Variants in GSDMD observed in about 807,000 individuals in gnomAD.
GSDMD encodes the protein gasdermin D.
GSDMD carries 46 observed loss-of-function variants against 46.7 expected under a neutral mutation model. The ratio of observed to expected loss-of-function variants is 0.99; its 90% CI spans 0.78 to 1.26. The LOEUF (loss-of-function observed/expected upper bound fraction) is 1.26. GSDMD is among the 50% of genes most tolerant of loss of function. The probability of loss-of-function intolerance (pLI) is 0.00; values close to 1 mark genes in which losing one functional copy is unlikely to be tolerated. For missense variants in GSDMD, 649 were observed against 638.8 expected, an observed-to-expected ratio of 1.02 and a Z score of -0.17; for synonymous variants, 307 against 283.1, an observed-to-expected ratio of 1.08 and a Z score of -0.85.
upstream of GSDMD, among the ~76,000 whole-genome samples, chr8:143,554,596 C>T (rs567095064): frequency 3.3e-5 from 5 of 150,446 alleles, no homozygotes; most frequent in East Asian, 6.0e-4. Context: ...TGCATACACG[C>T]GCACAACGCG....
chr8:143,561,738 C>A lies in GSDMD; in HGVS notation c.737-4C>A. On this transcript the variant is annotated splice_region_variant and splice_polypyrimidine_tract_variant and intron_variant, in intron 6 of 10. Transcript: ENST00000262580. ...CAGCCCTGCCCTCCCATGCCCCTGC[C>A]CAGGCCACAAGCGTTCCACGAGCGA... The A allele has an allele frequency of 6.2e-7, 1 of 1,604,122 alleles. No homozygotes were observed. Among genetic ancestry groups the A allele is most frequent in the East Asian group, 2.3e-5 (1 of 44,308 alleles).
chr8:143,560,602 G>C lies in GSDMD; in HGVS notation c.411-1G>C, dbSNP rs893203648. 2.5e-6 allele frequency: 4 copies of C among 1,578,146 alleles called. No homozygotes were observed. The highest frequency in any genetic ancestry group is 2.6e-6 in the Non-Finnish European group (3 of 1,162,096). On this transcript the variant is annotated splice_acceptor_variant, in intron 3 of 10. Transcript: ENST00000262580. LOFTEE classifies it high-confidence loss of function. ...CGAGCTTTGCTGCTCCTCGGACACAGGCACCTGCGGCAGCCAGAACACAAA... is the reference window on the plus strand; with the variant it reads ...CGAGCTTTGCTGCTCCTCGGACACACGCACCTGCGGCAGCCAGAACACAAA...
Position 143,558,739 on chromosome 8 carries a change from T to C in GSDMD, c.-5+288T>C, listed in dbSNP as rs568356714. 2.0e-5 allele frequency: 12 copies of C among 594,454 alleles called. No homozygotes were observed. In the East Asian group the frequency reaches 3.4e-4, roughly 17 times the overall value. 36.8% of individuals were successfully genotyped at this position (594,454 alleles called of 1,614,324 possible). On this transcript the variant is annotated intron_variant, in intron 1 of 10. Coordinates refer to ENST00000262580, the MANE Select transcript of GSDMD (RefSeq NM_024736.7). ...TGCCTTCTGGGCCCAGCCTCCACTT[T>C]CAGCAGACCCAGCACTCAGAGGCTT...
In GSDMD at chr8:143,559,860, C is replaced by T. The variant is rs1823406430; in HGVS notation, c.301C>T (p.Gln101Ter). The change falls in exon 3 of 11, where the codon CAG (glutamine) becomes TAG (stop). Residue 101 changes from glutamine to a stop codon, truncating the protein, a stop_gained. Coordinates refer to ENST00000262580, the MANE Select transcript of GSDMD (RefSeq NM_024736.7). LOFTEE classifies it high-confidence loss of function. ...CAGCGTGGAGCTGGCAGCCCCAGGACAGGCAAAGATCGCAGGCGGGGCCGC... is the reference window on the plus strand; with the variant it reads ...CAGCGTGGAGCTGGCAGCCCCAGGATAGGCAAAGATCGCAGGCGGGGCCGC... ...QGSVELAAPG[Q>*]AKIAGGAAVS... The T allele has an allele frequency of 6.2e-7, 1 of 1,612,794 alleles. No individual in the cohort carries two copies. Among genetic ancestry groups the T allele is most frequent in the Non-Finnish European group, 8.5e-7 (1 of 1,179,964 alleles).
chr8:143,554,391 C>T (rs946780594), upstream of GSDMD, among the ~76,000 whole-genome samples: 9 of 151,720 alleles, frequency 5.9e-5, no homozygotes, highest in Admixed American at 1.3e-4. Flanking sequence ...CACAGACACG[C>T]GCACAAACGC....
chr8:143,562,306 C>G lies in GSDMD; in HGVS notation c.1094C>G (p.Pro365Arg), dbSNP rs747932108. The G allele has an allele frequency of 1.8e-5, 27 of 1,530,726 alleles. No homozygotes were observed. The South Asian group carries it at 3.0e-4, about 17-fold the overall frequency. The allele number at this position is 1,530,726 out of a possible 1,614,324, so 94.8% of individuals were successfully genotyped here. The change falls in exon 9 of 11, where the codon CCG becomes CGG. Residue 365 changes from proline to arginine, a missense_variant. Transcript: ENST00000262580. ...CLVLSSGMLV[P>R]ELAIPVVYLL... The stretch of plus-strand genomic sequence containing the variant: ...GTGTTGTCCTCCGGAATGCTGGTGC[C>G]GGAACTCGCTATCCCTGTTGTCTAC...
In GSDMD at chr8:143,559,526, T is replaced by A. The variant is rs765673987; in HGVS notation, c.191T>A (p.Ile64Asn). Reference sequence around the variant, plus strand: ...TGTGTCAACCTGTCTATCAAGGACATCCTGGAGCCGGATGCCGCGGAACCA... The same window carrying A: ...TGTGTCAACCTGTCTATCAAGGACAACCTGGAGCCGGATGCCGCGGAACCA... ...YKCVNLSIKD[I>N]LEPDAAEPDV... The change falls in exon 2 of 11, where the codon ATC becomes AAC. Residue 64 changes from isoleucine (I) to asparagine (N), a missense_variant. Ile to Asn is a moderately radical substitution (Grantham distance 149). Coordinates refer to ENST00000262580, the MANE Select transcript of GSDMD (RefSeq NM_024736.7). 6.2e-7 allele frequency: 1 copy of A among 1,612,782 alleles called. No individual in the cohort carries two copies. The highest frequency in any genetic ancestry group is 1.7e-5 in the Admixed American group (1 of 60,018).
Position 143,561,418 on chromosome 8 carries a change from C to T in GSDMD, c.731C>T (p.Ala244Val), listed in dbSNP as rs758975277. The T allele has an allele frequency of 1.7e-5, 28 of 1,611,168 alleles. No individual in the cohort carries two copies. Among genetic ancestry groups the T allele is most frequent in the Admixed American group, 3.3e-5 (2 of 59,850 alleles). Reference sequence around the variant, plus strand: ...AAGCAGAGGACCTTCCAGCCACCCGCGACAGGTGAGAGCCGAGAGCCCCCA... The same window carrying T: ...AAGCAGAGGACCTTCCAGCCACCCGTGACAGGTGAGAGCCGAGAGCCCCCA... Reference protein sequence around the residue: ...DKKQRTFQPPATGHKRSTSEG... With the variant: ...DKKQRTFQPPVTGHKRSTSEG... Residue 244 changes from alanine (A) to valine (V), a missense_variant, in exon 6 of 11, where the codon GCG (alanine) becomes GTG (valine). Ala to Val is a moderately conservative substitution (Grantham distance 64). Transcript: ENST00000262580.
intron 2 of GSDMD, 76 bp downstream of exon 2, chr8:143,559,628 A>G: frequency 6.7e-7 from 1 of 1,483,524 alleles, no homozygotes; most frequent in Non-Finnish European, 9.3e-7. Context: ...CCAACCATCC[A>G]CTGGGCTCTG....
chr8:143,556,757 A>C (rs1230724344), upstream of GSDMD, among the ~76,000 whole-genome samples: 2 of 152,174 alleles, frequency 1.3e-5, no homozygotes, highest in African/African-American at 4.8e-5. Flanking sequence ...GCCCACCATG[A>C]CTTAGGTCAG....
upstream of GSDMD, chr8:143,556,130 G>C (rs1823292977): frequency 6.6e-6 from 1 of 152,222 alleles, no homozygotes; most frequent in Non-Finnish European, 1.5e-5. Flanking sequence ...AGAATTGCTT[G>C]AGCCCGGGAG....
upstream of GSDMD, among the ~76,000 whole-genome samples, chr8:143,555,375 A>C (rs2130556226): frequency 6.6e-6 from 1 of 152,312 alleles, no homozygotes; most frequent in East Asian, 1.9e-4. Flanking sequence ...GGCTGCCGCA[A>C]CATCCCTGCC....
At chr8:143,561,328 A>T in intron 5 of GSDMD, 42 bp from the exon 6 acceptor site, 1 of 1,564,986 alleles carries the variant, frequency 6.4e-7, no homozygotes, top group Non-Finnish European at 8.7e-7. Context: ...GCTGGGATCT[A>T]GGTGACATGC....
chr8:143,560,002 C>G, intron 3 of GSDMD, 33 bp downstream of exon 3: 1 of 1,529,768 alleles, frequency 6.5e-7, no homozygotes, highest in Non-Finnish European at 8.9e-7. Context: ...AGGGCAGGGC[C>G]CCACCTACCC....
upstream of GSDMD, among the ~76,000 whole-genome samples, chr8:143,557,420 G>C (rs62523582): frequency 2.8e-5 from 2 of 70,870 alleles, no homozygotes; most frequent in African/African-American, 8.6e-5. Context: ...TGCCGCTGTG[G>C]CGAAGGATGC....
chr8:143,559,094 G>C, intron 1 of GSDMD: 1 of 595,930 alleles, frequency 1.7e-6, no homozygotes, highest in Non-Finnish European at 3.0e-6. Context: ...AGGCCTCACT[G>C]TCCCTGGCTG....
At chr8:143,560,976 G>A (rs560940295) in intron 4 of GSDMD, 26 bp from the exon 5 acceptor site, 14 of 1,598,806 alleles carry the variant, frequency 8.8e-6, no homozygotes, top group African/African-American at 1.3e-5. Flanking sequence ...CCAGGGCCCA[G>A]CCCCGAGCCC....
intron 1 of GSDMD, 33 bp from the exon 2 acceptor site, chr8:143,559,299 G>A (rs767994048): frequency 4.2e-6 from 2 of 476,496 alleles, no homozygotes; most frequent in Admixed American, 2.6e-5. Context: ...CCCGCCCCGA[G>A]AGCACAATGC....
rs748128925 is a variant in GSDMD, at chr8:143,562,514, T to G, written c.1205T>G (p.Leu402Arg). Residue 402 changes from leucine to arginine, a missense_variant, in exon 10 of 11, where the codon CTC becomes CGC. Transcript: ENST00000262580. ...GAGTCGCAGACCCTGTTGGGGCCGC[T>G]CGAGCTGGTGAGAGGGTTGGGTTCG... ...ALESQTLLGP[L>R]ELVGSLLEQS... 1 of 1,606,974 alleles carries G rather than the reference T, an allele frequency of 6.2e-7. No homozygotes were observed. The highest frequency in any genetic ancestry group is 1.3e-5 in the African/African-American group (1 of 74,988).
Sources: gnomAD v4.1 joint callset for allele counts (sites outside exome capture counted in the v4.1 genomes callset) on GRCh38, gnomAD v4.1.1 for gene constraint, MANE v1.5 for transcripts, NCBI Gene and HGNC (gene_info 2026-07-23, HGNC 2026-07-21) for gene names.